The following TRPC4AP variants were observed in gnomAD, a reference collection of about 807,000 sequenced individuals.
The protein encoded by TRPC4AP is short transient receptor potential channel 4-associated protein.
In TRPC4AP, 45 loss-of-function variants were observed where a neutral mutation model predicts 99.0. The observed-to-expected ratio is 0.45, with a 90% confidence interval of 0.36 to 0.58. The LOEUF (loss-of-function observed/expected upper bound fraction) is 0.58. TRPC4AP is among the 20% of genes least tolerant of loss of function. The pLI, the probability that TRPC4AP is intolerant of heterozygous loss-of-function variation, is 0.00. For synonymous variants in TRPC4AP, 408 were observed against 385.8 expected, an observed-to-expected ratio of 1.06 and a Z score of -0.67; for missense variants, 879 against 985.3, an observed-to-expected ratio of 0.89 and a Z score of 1.44.
intron 1 of TRPC4AP, among the ~76,000 whole-genome samples, chr20:35,092,140 G>C (rs1470154909): frequency 1.3e-5 from 2 of 152,188 alleles, no homozygotes; most frequent in Non-Finnish European, 2.9e-5. Flanking sequence ...AATAACAATG[G>C]GGACCTACTT....
intron 3 of TRPC4AP, among the ~76,000 whole-genome samples, chr20:35,068,117 T>G (rs2084193031): frequency 6.6e-6 from 1 of 152,188 alleles, no homozygotes; most frequent in Non-Finnish European, 1.5e-5. Flanking sequence ...GAAGGGGGCT[T>G]CTGGGTACTG....
chr20:35,055,453 A>G (rs4142034), intron 4 of TRPC4AP, among the ~76,000 whole-genome samples: 110,519 of 152,126 alleles, frequency 0.73, 40,481 homozygotes, highest in Middle Eastern at 0.83. Flanking sequence ...GTATTAAACT[A>G]GTTCCTCAAG....
intron 3 of TRPC4AP, among the ~76,000 whole-genome samples, chr20:35,059,622 C>A (rs1904436558): frequency 6.6e-6 from 1 of 151,860 alleles, no homozygotes; most frequent in African/African-American, 2.4e-5. Context: ...CATGCCAATA[C>A]ACTCCAGCCT....
At chr20:35,089,155 C>T (rs1466501119) in intron 1 of TRPC4AP, among the ~76,000 whole-genome samples, 2 of 151,734 alleles carry the variant, frequency 1.3e-5, no homozygotes, top group Non-Finnish European at 1.5e-5. Context: ...AGGTGTAAGC[C>T]ACCACACTGG....
At chr20:35,024,130 C>CTT (rs11473089) in intron 8 of TRPC4AP, among the ~76,000 whole-genome samples, 44,406 of 146,268 alleles carry the variant, frequency 0.3, 7,236 homozygotes, top group East Asian at 0.51. Context: ...TGCACACTCA[C>CTT]TTTTTTTTTT....
At position 35,092,728 on chromosome 20, in the gene TRPC4AP, C is replaced by A; in HGVS notation, c.54G>T (p.Ser18=). Residue 18 remains serine, a synonymous_variant, in exon 1 of 19, where the codon TCG becomes TCT. Transcript: ENST00000252015. ...AGSGAGRGRR[S]AATVAAWGGW... is the part of the protein sequence containing the mutation. Reference sequence around the variant, plus strand: ...CGCCCCAAGCCGCCACTGTGGCTGCCGACCGTCTCCCTCGGCCGGCTCCAG... The same window carrying A: ...CGCCCCAAGCCGCCACTGTGGCTGCAGACCGTCTCCCTCGGCCGGCTCCAG... The A allele has an allele frequency of 7.7e-6, 12 of 1,560,346 alleles. No homozygotes were observed. The highest frequency in any genetic ancestry group is 1.0e-5 in the Non-Finnish European group (12 of 1,164,472).
At chr20:35,014,146 C>A (rs1159602276) in intron 10 of TRPC4AP, among the ~76,000 whole-genome samples, 1 of 152,016 alleles carries the variant, frequency 6.6e-6, no homozygotes, top group East Asian at 1.9e-4. Context: ...CCACCATGCC[C>A]GGGAGCACGT....
chr20:35,070,678 G>T (rs566992945), intron 2 of TRPC4AP, among the ~76,000 whole-genome samples: 32 of 152,184 alleles, frequency 2.1e-4, no homozygotes, highest in Non-Finnish European at 4.1e-4. Flanking sequence ...GATTACAGGC[G>T]TGAGTCACTG....
intron 7 of TRPC4AP, 69 bp from the exon 8 acceptor site, chr20:35,035,377 A>C: frequency 6.8e-7 from 1 of 1,474,250 alleles, no homozygotes; most frequent in Non-Finnish European, 9.2e-7. Context: ...TAAAGCCCTA[A>C]CAAACAATCT....
chr20:35,027,305 T>G (rs1445304783), intron 8 of TRPC4AP, among the ~76,000 whole-genome samples: 2 of 152,196 alleles, frequency 1.3e-5, no homozygotes, highest in Admixed American at 1.3e-4. Flanking sequence ...ATGGAAACGA[T>G]CATGTGGTTT....
rs561919927 is a variant in TRPC4AP, at chr20:35,076,677, G to A, written c.297+1369C>T. Among the ~76,000 whole-genome samples the A allele has an allele frequency of 3.9e-5, 6 of 152,272 alleles. No individual in the cohort carries two copies. The South Asian group carries it at 1.2e-3, about 32-fold the overall frequency. On this transcript the variant is annotated intron_variant, in intron 2 of 18. Coordinates refer to ENST00000252015, the MANE Select transcript of TRPC4AP (RefSeq NM_015638.3). The stretch of plus-strand genomic sequence containing the variant: ...TATGAGGTGTCAGTCGGCCCCTACT[G>A]GGAGGTGTCTCCCAGTTAGGCTACT...
rs781044869 is a variant in TRPC4AP at position 35,078,144 on chromosome 20, T to C, written c.199A>G (p.Lys67Glu). The C allele has an allele frequency of 1.2e-6, 2 of 1,613,986 alleles. No individual in the cohort carries two copies. Among genetic ancestry groups the C allele is most frequent in the Admixed American group, 1.7e-5 (1 of 60,008 alleles). ...FTETFLTERD[K>E]QSKWSGIPQL... ...GGAATTCCACTCCACTTGGATTGTT[T>C]GTCCCTCTCCGTCAAAAAAGTCTCA... Residue 67 changes from lysine to glutamate, a missense_variant, in exon 2 of 19, where the codon AAA becomes GAA. Lys to Glu is a moderately conservative substitution (Grantham distance 56). Transcript: ENST00000252015.
chr20:35,036,810 G>A (rs1396721974), intron 7 of TRPC4AP, among the ~76,000 whole-genome samples: 1 of 152,114 alleles, frequency 6.6e-6, no homozygotes, highest in Non-Finnish European at 1.5e-5. Flanking sequence ...GCCAGGCGTG[G>A]TATCGTGCGC....
chr20:35,012,936 AC>A (rs1204344578), intron 11 of TRPC4AP, 71 bp downstream of exon 11: 1 of 1,516,326 alleles, frequency 6.6e-7, no homozygotes, highest in East Asian at 2.3e-5. Context: ...GAGGTCAGGG[AC>A]CAGACAAGGA....
intron 1 of TRPC4AP, among the ~76,000 whole-genome samples, chr20:35,090,688 C>G (rs540400232): frequency 6.6e-6 from 1 of 152,196 alleles, no homozygotes; most frequent in African/African-American, 2.4e-5. Flanking sequence ...GTGGGCTTTT[C>G]TAGGCTCCTC....
Position 35,044,772 on chromosome 20 carries a change from C to T in TRPC4AP, c.658-60G>A. 2.6e-6 allele frequency: 4 copies of T among 1,541,412 alleles called. No homozygotes were observed. The South Asian group carries it at 4.5e-5, about 17-fold the overall frequency. The stretch of plus-strand genomic sequence containing the variant: ...CAATTCACTCAAGAGATTGGATGTG[C>T]CTCTCTTTCGCATCCCCTTACATAC... On this transcript the variant is annotated intron_variant, in intron 6 of 18. Coordinates refer to ENST00000252015, the MANE Select transcript of TRPC4AP (RefSeq NM_015638.3).
At chr20:35,018,433 T>C (rs942177409) in intron 9 of TRPC4AP, among the ~76,000 whole-genome samples, 3 of 151,518 alleles carry the variant, frequency 2.0e-5, no homozygotes, top group Admixed American at 6.6e-5. Context: ...CTGTCTCTAC[T>C]AAAAATACAA....
At chr20:35,006,631 G>C in intron 14 of TRPC4AP, 56 bp from the exon 15 acceptor site, 1 of 1,592,508 alleles carries the variant, frequency 6.3e-7, no homozygotes, top group Non-Finnish European at 8.6e-7. Context: ...ACCAGGGCCT[G>C]GCATGGAGCT....
intron 1 of TRPC4AP, among the ~76,000 whole-genome samples, chr20:35,081,760 G>GTAGA (rs1430360520): frequency 6.6e-6 from 1 of 152,072 alleles, no homozygotes; most frequent in Non-Finnish European, 1.5e-5. Context: ...ACCGAGACAG[G>GTAGA]TAGATCACTT....
Sources: allele counts gnomAD v4.1 joint callset (sites outside exome capture counted in the v4.1 genomes callset), GRCh38; gene constraint gnomAD v4.1.1; transcripts MANE v1.5; gene names NCBI Gene and HGNC (gene_info 2026-07-23, HGNC 2026-07-21).